The following WDPCP variants were observed in gnomAD, a reference collection of about 807,000 sequenced individuals.
The protein encoded by WDPCP is WD repeat containing planar cell polarity effector.
Under a neutral mutation model 93.1 loss-of-function variants are expected in WDPCP, and 71 were observed. That is an observed-to-expected ratio of 0.76 (90% CI 0.63 to 0.93). The LOEUF (loss-of-function observed/expected upper bound fraction) is 0.93. Among genes scored for constraint, WDPCP ranks in the 40% least tolerant of loss-of-function variants. The probability of loss-of-function intolerance (pLI) is 0.00; values close to 1 mark genes in which losing one functional copy is unlikely to be tolerated. For synonymous variants in WDPCP, 315 were observed against 315.0 expected (o/e 1.00, Z 0.00); for missense variants, 844 against 887.4 (o/e 0.95, Z 0.62).
chr2:63,309,438 A>G (rs1218185560), intron 13 of WDPCP, among the ~76,000 whole-genome samples: 3 of 152,124 alleles, frequency 2.0e-5, no homozygotes, highest in African/African-American at 4.8e-5. Flanking sequence ...GCAGGATTGC[A>G]TAAACCAAAG....
rs537932881 is a variant in WDPCP at position 63,301,708 on chromosome 2, T to C, written c.1812+11540A>G. Among the ~76,000 whole-genome samples, 6 of 152,050 alleles carry C rather than the reference T, an allele frequency of 3.9e-5. No homozygotes were observed. In the East Asian group the frequency reaches 5.8e-4, roughly 15 times the overall value. Reference sequence around the variant, plus strand: ...ACAAGGTGTCAGGACCCAGGAACTATAGAGGGAAAACAGCAAGGGGACACC... The same window carrying C: ...ACAAGGTGTCAGGACCCAGGAACTACAGAGGGAAAACAGCAAGGGGACACC... On this transcript the variant is annotated intron_variant, in intron 13 of 17. Coordinates refer to ENST00000272321, the MANE Select transcript of WDPCP (RefSeq NM_015910.7).
intron 12 of WDPCP, among the ~76,000 whole-genome samples, chr2:63,367,842 C>T (rs1159421708): frequency 1.3e-5 from 2 of 152,062 alleles, no homozygotes; most frequent in Non-Finnish European, 2.9e-5. Flanking sequence ...ACCTATGAAC[C>T]AAAAGACAAA....
upstream of WDPCP, chr2:63,593,361 T>C: frequency 3.1e-6 from 1 of 319,250 alleles, no homozygotes; most frequent in South Asian, 2.9e-5. Context: ...CCCAAAGTGC[T>C]GAGATTACAG....
chr2:63,510,855 A>G (rs546299603), intron 1 of WDPCP, among the ~76,000 whole-genome samples: 18 of 152,144 alleles, frequency 1.2e-4, no homozygotes, highest in Admixed American at 3.3e-4. Context: ...GGGTGCCTGT[A>G]GTCCCAGCTA....
chr2:63,179,599 G>C (rs987028875), intron 14 of WDPCP, among the ~76,000 whole-genome samples: 1 of 151,870 alleles, frequency 6.6e-6, no homozygotes, highest in Admixed American at 6.6e-5. Flanking sequence ...TGTGCTTGTA[G>C]AGCCTGCAGA....
intron 2 of WDPCP, among the ~76,000 whole-genome samples, chr2:63,704,277 T>C (rs1387220676): frequency 6.6e-6 from 1 of 152,170 alleles, no homozygotes; most frequent in African/African-American, 2.4e-5. Context: ...TTTTCCTAAT[T>C]GAATGCCCTT....
chr2:63,763,253 C>T (rs1356551971), intron 2 of WDPCP, among the ~76,000 whole-genome samples: 2 of 152,030 alleles, frequency 1.3e-5, no homozygotes, highest in African/African-American at 2.4e-5. Context: ...CCTGTGATCC[C>T]AGCACTTTGG....
chr2:63,697,490 A>G (rs1418710495), intron 2 of WDPCP, among the ~76,000 whole-genome samples: 1 of 152,200 alleles, frequency 6.6e-6, no homozygotes, highest in African/African-American at 2.4e-5. Flanking sequence ...CCAATTCCGT[A>G]TCAAGCACTA....
chr2:63,427,953 T>A (rs1165427747), intron 9 of WDPCP, among the ~76,000 whole-genome samples: 3 of 152,034 alleles, frequency 2.0e-5, no homozygotes, highest in Non-Finnish European at 2.9e-5. Context: ...AACATCACCA[T>A]GCATAAAACT....
intron 14 of WDPCP, among the ~76,000 whole-genome samples, chr2:63,205,383 T>C (rs1164685294): frequency 6.6e-6 from 1 of 152,214 alleles, no homozygotes; most frequent in Non-Finnish European, 1.5e-5. Context: ...GGTATTTTGA[T>C]ATGGATTGCA....
chr2:63,189,087 C>G (rs755639339), intron 14 of WDPCP, among the ~76,000 whole-genome samples: 2 of 152,052 alleles, frequency 1.3e-5, no homozygotes, highest in Non-Finnish European at 2.9e-5. Flanking sequence ...TCGCGGGAGC[C>G]GTTTCTGTTG....
At chr2:63,225,715 T>C (rs1163395040) in intron 14 of WDPCP, among the ~76,000 whole-genome samples, 1 of 151,862 alleles carries the variant, frequency 6.6e-6, no homozygotes, top group Non-Finnish European at 1.5e-5. Flanking sequence ...GTAATAAAAT[T>C]ATGTTTTCCT....
intron 13 of WDPCP, among the ~76,000 whole-genome samples, chr2:63,268,043 C>T (rs144856788): frequency 6.6e-6 from 1 of 152,162 alleles, no homozygotes; most frequent in Non-Finnish European, 1.5e-5. Context: ...AGATTTTTCA[C>T]AATAGCCAAG....
chr2:63,770,165 T>G (rs1338870445), intron 2 of WDPCP, among the ~76,000 whole-genome samples: 1 of 151,988 alleles, frequency 6.6e-6, no homozygotes, highest in Non-Finnish European at 1.5e-5. Context: ...CTAAGGAAAC[T>G]TCAACAAATA....
At chr2:63,300,890 G>C (rs1388934437) in intron 13 of WDPCP, among the ~76,000 whole-genome samples, 1 of 151,986 alleles carries the variant, frequency 6.6e-6, no homozygotes, top group Non-Finnish European at 1.5e-5. Flanking sequence ...TTGGTCTAGA[G>C]AGTACGTGGC....
chr2:63,262,641 T>C (rs1681747118), intron 13 of WDPCP, among the ~76,000 whole-genome samples: 2 of 151,966 alleles, frequency 1.3e-5, no homozygotes, highest in African/African-American at 2.4e-5. Flanking sequence ...TAGACGTAAG[T>C]GTGGGCTATA....
At chr2:63,781,401 A>G (rs1186057848) in intron 2 of WDPCP, among the ~76,000 whole-genome samples, 2 of 152,168 alleles carry the variant, frequency 1.3e-5, no homozygotes, top group Non-Finnish European at 2.9e-5. Flanking sequence ...GAAGAGAAAG[A>G]GAAGGAAGGG....
intron 14 of WDPCP, among the ~76,000 whole-genome samples, chr2:63,214,453 G>T (rs1209869111): frequency 1.3e-5 from 2 of 152,122 alleles, no homozygotes; most frequent in African/African-American, 4.8e-5. Flanking sequence ...CAATAAACTA[G>T]GTATTCATGG....
chr2:63,459,083 A>AT (rs1698830556), intron 6 of WDPCP, among the ~76,000 whole-genome samples: 1 of 152,176 alleles, frequency 6.6e-6, no homozygotes, highest in South Asian at 2.1e-4. Flanking sequence ...CTCAAGATGG[A>AT]TTAAACCCAA....
Sources: gnomAD v4.1 joint callset for allele counts (sites outside exome capture counted in the v4.1 genomes callset) on GRCh38, gnomAD v4.1.1 for gene constraint, MANE v1.5 for transcripts, NCBI Gene and HGNC (gene_info 2026-07-23, HGNC 2026-07-21) for gene names.